MDGA2: variants seen among roughly 807,000 people sequenced by gnomAD.
MDGA2 encodes MAM domain containing glycosylphosphatidylinositol anchor 2.
MDGA2 carries 40 observed loss-of-function variants against 117.8 expected under a neutral mutation model. The observed-to-expected ratio is 0.34, with a 90% CI of 0.26 to 0.44. MDGA2 has a LOEUF of 0.44. Ranked by LOEUF, MDGA2 falls within the 20% of genes least tolerant of loss-of-function variation. MDGA2 has a pLI of 1.00. For missense variants in MDGA2, 1,123 were observed against 1,250.6 expected (o/e 0.90, Z 1.54); for synonymous variants, 452 against 439.0 (o/e 1.03, Z -0.37).
At chr14:47,563,578 G>GTTTTTTTTTTTTTTTTT (rs56244321) in intron 1 of MDGA2, among the ~76,000 whole-genome samples, 3 of 56,974 alleles carry the variant, frequency 5.3e-5, no homozygotes, top group Non-Finnish European at 6.5e-5. Context: ...GCTTTTTTCT[G>GTTTTTTTTTTTTTTTTT]TTTTTTTTTT....
chr14:47,608,012 T>A (rs1896772656), intron 1 of MDGA2, among the ~76,000 whole-genome samples: 1 of 152,134 alleles, frequency 6.6e-6, no homozygotes, highest in Non-Finnish European at 1.5e-5. Flanking sequence ...TACAAAGCTC[T>A]AAAAGACTTG....
intron 3 of MDGA2, among the ~76,000 whole-genome samples, chr14:47,145,641 T>TG (rs1216046899): frequency 1.9e-4 from 29 of 152,172 alleles, no homozygotes; most frequent in Non-Finnish European, 3.5e-4. Context: ...TACTTAACTT[T>TG]GGGGTCTTCA....
At chr14:47,114,776 C>T (rs12891337) in intron 5 of MDGA2, among the ~76,000 whole-genome samples, 81,913 of 151,758 alleles carry the variant, frequency 0.54, 22,401 homozygotes, top group African/African-American at 0.65. Flanking sequence ...TAACTTAAGA[C>T]GGATTAAAGA....
In MDGA2 at chr14:46,866,772, C is replaced by T. The variant is rs920844597; in HGVS notation, c.2752+6661G>A. Among the ~76,000 whole-genome samples, 56 of 152,080 alleles carry T rather than the reference C, an allele frequency of 3.7e-4. 1 individual carries two copies. Among genetic ancestry groups the T allele is most frequent in the African/African-American group, 1.3e-3 (55 of 41,502 alleles). On this transcript the variant is annotated intron_variant, in intron 14 of 16. Coordinates refer to ENST00000399232, the MANE Select transcript of MDGA2 (RefSeq NM_001113498.3). ...TTCTCAAAAGAAGACATTTATGCAG[C>T]CAAAAAACACATGAAAAAATGCTCA...
intron 8 of MDGA2, among the ~76,000 whole-genome samples, chr14:46,978,890 G>T (rs1409927923): frequency 2.6e-5 from 4 of 152,120 alleles, no homozygotes; most frequent in Non-Finnish European, 5.9e-5. Flanking sequence ...ATATATAGAT[G>T]AATTGACTGC....
At chr14:47,305,154 T>C (rs1188466503) in intron 1 of MDGA2, 2 of 152,198 alleles carry the variant, frequency 1.3e-5, no homozygotes, top group African/African-American at 2.4e-5. Context: ...CATCAACTTC[T>C]TACTTTAGCA....
At position 46,992,374 on chromosome 14, in the gene MDGA2, A is replaced by G. The variant is rs185451448; in HGVS notation, c.1820-34731T>C. Among the ~76,000 whole-genome samples, 45 of 152,256 alleles carry G rather than the reference A, an allele frequency of 3.0e-4. No individual in the cohort carries two copies. The East Asian group carries it at 7.1e-3, about 24-fold the overall frequency. On this transcript the variant is annotated intron_variant, in intron 8 of 16. Coordinates refer to ENST00000399232, the MANE Select transcript of MDGA2 (RefSeq NM_001113498.3). ...CCAATGTTACCAGAAGACGTTCAGG[A>G]CTATTCACCATTCAAGTGATTAGTT...
intron 1 of MDGA2, among the ~76,000 whole-genome samples, chr14:47,623,486 T>C (rs1897086407): frequency 6.6e-6 from 1 of 152,152 alleles, no homozygotes; most frequent in Admixed American, 6.5e-5. Flanking sequence ...TGCAGTACTG[T>C]CAGCCTATAT....
At chr14:47,475,628 T>C (rs1373712152) in intron 1 of MDGA2, among the ~76,000 whole-genome samples, 3 of 152,158 alleles carry the variant, frequency 2.0e-5, no homozygotes, top group East Asian at 3.8e-4. Context: ...ACAGACACCA[T>C]GTAATACTAT....
At chr14:47,097,790 C>T (rs1379566275) in intron 5 of MDGA2, among the ~76,000 whole-genome samples, 2 of 151,966 alleles carry the variant, frequency 1.3e-5, no homozygotes, top group Non-Finnish European at 2.9e-5. Flanking sequence ...TTCAAGAGCT[C>T]AAACAGCCAC....
intron 1 of MDGA2, among the ~76,000 whole-genome samples, chr14:47,375,092 T>A (rs537237916): frequency 1.3e-5 from 2 of 152,038 alleles, no homozygotes; most frequent in African/African-American, 4.8e-5. Context: ...TTTTTTAATT[T>A]TTTTAAAATT....
intron 2 of MDGA2, among the ~76,000 whole-genome samples, chr14:47,291,833 A>G (rs527447088): frequency 6.6e-6 from 1 of 152,286 alleles, no homozygotes; most frequent in South Asian, 2.1e-4. Context: ...CCATCGTGTA[A>G]TCATCTCTAG....
At chr14:47,195,474 T>C (rs928703769) in intron 3 of MDGA2, among the ~76,000 whole-genome samples, 9 of 152,054 alleles carry the variant, frequency 5.9e-5, no homozygotes, top group African/African-American at 2.2e-4. Context: ...GAACTGGTTT[T>C]ATTGGGCCAT....
In MDGA2 at chr14:47,473,588, C is replaced by T. The variant is rs771442271; in HGVS notation, c.281-172038G>A. Among the ~76,000 whole-genome samples the T allele has an allele frequency of 7.9e-5, 12 of 151,714 alleles. No individual in the cohort carries two copies. In the East Asian group the frequency reaches 9.7e-4, roughly 12 times the overall value. ...ATGAAGAAAATTGAAAAGCAAAAGA[C>T]GGGGACTGCAAAATAAAGAGTGAAA... On this transcript the variant is annotated intron_variant, in intron 1 of 16. Transcript: ENST00000399232.
At chr14:47,623,124 T>C (rs1305335) in intron 1 of MDGA2, among the ~76,000 whole-genome samples, 24,269 of 152,090 alleles carry the variant, frequency 0.16, 2,019 homozygotes, top group East Asian at 0.25. Flanking sequence ...GGTTTGTTAT[T>C]GAAGGAGTGG....
At chr14:47,280,314 CAAAAAAAAA>C (rs1196509408) in intron 2 of MDGA2, among the ~76,000 whole-genome samples, 681 of 35,782 alleles carry the variant, frequency 0.019, 9 homozygotes, top group African/African-American at 0.079. Context: ...AACTCCATCT[CAAAAAAAAA>C]AAAAAAAAAA....
intron 1 of MDGA2, among the ~76,000 whole-genome samples, chr14:47,603,482 C>G (rs1232357233): frequency 6.6e-6 from 1 of 152,128 alleles, no homozygotes; most frequent in Non-Finnish European, 1.5e-5. Flanking sequence ...GTGCTATGCC[C>G]GGTCATTCCA....
chr14:47,164,717 G>C (rs1453812615), intron 3 of MDGA2, among the ~76,000 whole-genome samples: 2 of 152,148 alleles, frequency 1.3e-5, no homozygotes. Context: ...TCTAGAACTG[G>C]AAATACCATT....
rs866597509 is a variant in MDGA2 at position 47,361,205 on chromosome 14, C to A, written c.281-59655G>T. On this transcript the variant is annotated intron_variant, in intron 1 of 16. Transcript: ENST00000399232. ...TGTTGTACTCTCTCTCTCTCTCTCT[C>A]TCTATATATATATATATATATATGG... is the stretch of plus-strand genomic sequence containing the variant. 2.0e-3 allele frequency among the ~76,000 whole-genome samples: 250 copies of A among 124,694 alleles called. 4 individuals carry two copies. The East Asian group carries it at 0.027, about 13-fold the overall frequency. 81.8% of individuals were successfully genotyped at this position (124,694 alleles called of 152,430 possible). A position where few individuals can be genotyped will look rare whatever the true frequency, so the allele number is the denominator to read the frequency against.
Sources: allele counts gnomAD v4.1 joint callset (sites outside exome capture counted in the v4.1 genomes callset), GRCh38; gene constraint gnomAD v4.1.1; transcripts MANE v1.5; gene names NCBI Gene and HGNC (gene_info 2026-07-23, HGNC 2026-07-21).